Variants in AFAP1L1 observed in about 807,000 individuals in gnomAD.
AFAP1L1 encodes actin filament-associated protein 1-like 1.
Under a neutral mutation model 99.8 loss-of-function variants are expected in AFAP1L1, and 77 were observed. The ratio of observed to expected loss-of-function variants is 0.77; its 90% CI spans 0.64 to 0.93. AFAP1L1 has a LOEUF of 0.93. Among genes scored for constraint, AFAP1L1 ranks in the 40% least tolerant of loss-of-function variants. The probability of loss-of-function intolerance (pLI) is 0.00; values close to 1 mark genes in which losing one functional copy is unlikely to be tolerated. For synonymous variants in AFAP1L1, 373 were observed against 395.3 expected (o/e 0.94, Z 0.67); for missense variants, 893 against 996.8 (o/e 0.90, Z 1.40).
chr5:149,290,003 G>T (rs1755803244), intron 1 of AFAP1L1, among the ~76,000 whole-genome samples: 1 of 152,234 alleles, frequency 6.6e-6, no homozygotes. Flanking sequence ...GGAGGCCGAG[G>T]CGGGTGGATG....
intron 15 of AFAP1L1, among the ~76,000 whole-genome samples, chr5:149,326,897 C>T (rs1482170764): frequency 1.3e-5 from 2 of 152,160 alleles, no homozygotes; most frequent in East Asian, 3.8e-4. Context: ...TGGCTTCATA[C>T]TTCAAGAGGA....
chr5:149,312,097 G>T lies in AFAP1L1; in HGVS notation c.928-15G>T. 1 of 1,611,830 alleles carries T rather than the reference G, an allele frequency of 6.2e-7. No individual in the cohort carries two copies. The highest frequency in any genetic ancestry group is 1.7e-5 in the Admixed American group (1 of 59,970). On this transcript the variant is annotated splice_polypyrimidine_tract_variant and intron_variant, in intron 8 of 18. Coordinates refer to ENST00000296721, the MANE Select transcript of AFAP1L1 (RefSeq NM_152406.4). The stretch of plus-strand genomic sequence containing the variant: ...TCCCTGCCCACCCGTTCACAGCTGT[G>T]TGTCCTCTTCACAGGTCATCCGAGA...
rs181340394 is a variant in AFAP1L1 at position 149,278,415 on chromosome 5, C to G, written c.16+6431C>G. Reference sequence around the variant, plus strand: ...CTTTCACCTCCATCAAATCCCATCTCCTGGCCTGTAGCTCTGTTGATTGAG... The same window carrying G: ...CTTTCACCTCCATCAAATCCCATCTGCTGGCCTGTAGCTCTGTTGATTGAG... On this transcript the variant is annotated intron_variant, in intron 1 of 18. Transcript: ENST00000296721. Among the ~76,000 whole-genome samples, 502 of 152,326 alleles carry G rather than the reference C, an allele frequency of 3.3e-3. 4 individuals carry two copies. The highest frequency in any genetic ancestry group is 0.011 in the African/African-American group (447 of 41,572).
At chr5:149,276,133 C>T (rs1019132391) in intron 1 of AFAP1L1, among the ~76,000 whole-genome samples, 6 of 152,200 alleles carry the variant, frequency 3.9e-5, no homozygotes, top group Non-Finnish European at 7.3e-5. Context: ...TAGAGCAGAA[C>T]CTAGATGCCA....
intron 9 of AFAP1L1, 41 bp downstream of exon 9, chr5:149,312,245 G>T (rs936557985): frequency 1.3e-6 from 2 of 1,597,976 alleles, no homozygotes; most frequent in Non-Finnish European, 1.7e-6. Flanking sequence ...GCCAGGCAGT[G>T]GCCACTCAAC....
chr5:149,315,910 T>A lies in AFAP1L1; in HGVS notation c.1110T>A (p.Asp370Glu). 6.2e-7 allele frequency: 1 copy of A among 1,614,060 alleles called. No homozygotes were observed. Among genetic ancestry groups the A allele is most frequent in the South Asian group, 1.1e-5 (1 of 91,082 alleles). Residue 370 changes from aspartate to glutamate, a missense_variant, in exon 10 of 19, where the codon GAT becomes GAA. Asp to Glu is a conservative substitution (Grantham distance 45, BLOSUM62 2). Coordinates refer to ENST00000296721, the MANE Select transcript of AFAP1L1 (RefSeq NM_152406.4). The part of the protein sequence containing the change: ...CSTLGRRETC[D>E]HGKGKKSSLA... ...CCCTTGGCCGCCGGGAGACCTGTGATCACGGTAGGAGCCTCTGGGGGCTCA... is the reference window on the plus strand; with the variant it reads ...CCCTTGGCCGCCGGGAGACCTGTGAACACGGTAGGAGCCTCTGGGGGCTCA...
intron 18 of AFAP1L1, among the ~76,000 whole-genome samples, chr5:149,336,118 G>A (rs1056243733): frequency 6.6e-6 from 1 of 151,920 alleles, no homozygotes; most frequent in African/African-American, 2.4e-5. Context: ...CCAGGATGCT[G>A]GTCCACAGTC....
rs77084006 is a variant in AFAP1L1 at position 149,289,514 on chromosome 5, A to G, written c.17-9995A>G. ...GCCCGCATGTACAGTGGGCTTCCCTATCCAAGCTGGGACAACAGGAAGTGT... is the reference window on the plus strand; with the variant it reads ...GCCCGCATGTACAGTGGGCTTCCCTGTCCAAGCTGGGACAACAGGAAGTGT... On this transcript the variant is annotated intron_variant, in intron 1 of 18. Transcript: ENST00000296721. Among the ~76,000 whole-genome samples the G allele has an allele frequency of 3.3e-3, 493 of 151,272 alleles. 3 individuals carry two copies. The highest frequency in any genetic ancestry group is 0.011 in the African/African-American group (473 of 41,136).
intron 18 of AFAP1L1, 109 bp downstream of exon 18, chr5:149,335,831 A>G (rs1276202021): frequency 1.4e-6 from 2 of 1,441,852 alleles, no homozygotes; most frequent in Non-Finnish European, 1.9e-6. Flanking sequence ...GAGAATTGCC[A>G]ATGCATTTAT....
intron 1 of AFAP1L1, among the ~76,000 whole-genome samples, chr5:149,298,538 G>T (rs1338162787): frequency 6.6e-6 from 1 of 152,158 alleles, no homozygotes; most frequent in Non-Finnish European, 1.5e-5. Flanking sequence ...CGATTTAAAT[G>T]AGACAATAAA....
intron 15 of AFAP1L1, among the ~76,000 whole-genome samples, chr5:149,327,932 C>T (rs1355140514): frequency 6.6e-6 from 1 of 152,158 alleles, no homozygotes. Context: ...TTAATCTATA[C>T]ATCCACGAAG....
intron 7 of AFAP1L1, 56 bp from the exon 8 acceptor site, chr5:149,309,900 C>T: frequency 1.2e-6 from 2 of 1,607,064 alleles, no homozygotes; most frequent in Non-Finnish European, 1.7e-6. Context: ...GTGAGGATGT[C>T]TCCCTCCTCT....
At chr5:149,277,473 C>A (rs1236953458) in intron 1 of AFAP1L1, among the ~76,000 whole-genome samples, 1 of 152,196 alleles carries the variant, frequency 6.6e-6, no homozygotes, top group African/African-American at 2.4e-5. Context: ...GATGACCTCC[C>A]CCTGCAGTGA....
intron 1 of AFAP1L1, among the ~76,000 whole-genome samples, chr5:149,276,303 C>T (rs917665965): frequency 8.5e-5 from 13 of 152,252 alleles, no homozygotes; most frequent in African/African-American, 2.9e-4. Flanking sequence ...AATTTCTCTT[C>T]CAACAGGGTA....
rs371525363 is a variant in AFAP1L1, at chr5:149,286,234, A to G, written c.17-13275A>G. Among the ~76,000 whole-genome samples the G allele has an allele frequency of 4.7e-4, 71 of 152,232 alleles. No individual in the cohort carries two copies. The South Asian group carries it at 9.4e-3, about 20-fold the overall frequency. On this transcript the variant is annotated intron_variant, in intron 1 of 18. Transcript: ENST00000296721. Reference sequence around the variant, plus strand: ...TGTAACACCTCACTGGATCCTCACAACAGCCCTGTGAGGAATAAGTATTAT... The same window carrying G: ...TGTAACACCTCACTGGATCCTCACAGCAGCCCTGTGAGGAATAAGTATTAT...
chr5:149,325,541 A>C (rs1290603995), intron 15 of AFAP1L1, among the ~76,000 whole-genome samples: 1 of 152,212 alleles, frequency 6.6e-6, no homozygotes, highest in Admixed American at 6.5e-5. Context: ...CCCTCATCCT[A>C]GCTCACTTGT....
chr5:149,307,488 TG>T lies in AFAP1L1; in HGVS notation c.624del (p.Trp208CysfsTer11). The T allele has an allele frequency of 6.2e-7, 1 of 1,614,082 alleles. No individual in the cohort carries two copies. The highest frequency in any genetic ancestry group is 8.5e-7 in the Non-Finnish European group (1 of 1,180,000). ...EGKSPQPRHQ[W>X]PSEEASMHLV... ...GAAGAGCCCGCAGCCCCGACACCAG[TG>T]GCCCTCAGAGGAGGCCTCCATGCAC... is the stretch of plus-strand genomic sequence containing the variant. On this transcript the variant is annotated frameshift_variant, in exon 7 of 19. Coordinates refer to ENST00000296721, the MANE Select transcript of AFAP1L1 (RefSeq NM_152406.4). LOFTEE classifies it high-confidence loss of function.
chr5:149,304,786 A>G (rs1191679523), intron 5 of AFAP1L1, among the ~76,000 whole-genome samples: 1 of 152,178 alleles, frequency 6.6e-6, no homozygotes, highest in Non-Finnish European at 1.5e-5. Flanking sequence ...TGCCTGCTGG[A>G]AAGGCGGGCT....
At chr5:149,301,626 AC>A (rs1756217086) in intron 4 of AFAP1L1, among the ~76,000 whole-genome samples, 1 of 151,594 alleles carries the variant, frequency 6.6e-6, no homozygotes, top group African/African-American at 2.4e-5. Flanking sequence ...ACCTCTGCCC[AC>A]CCCCATGACT....
Sources: allele counts gnomAD v4.1 joint callset (sites outside exome capture counted in the v4.1 genomes callset), GRCh38; gene constraint gnomAD v4.1.1; transcripts MANE v1.5; gene names NCBI Gene and HGNC (gene_info 2026-07-23, HGNC 2026-07-21).